RORA: variants seen among roughly 807,000 people sequenced by gnomAD.
RORA encodes nuclear receptor ROR-alpha.
Under a neutral mutation model 69.5 loss-of-function variants are expected in RORA, and 7 were observed. The ratio of observed to expected loss-of-function variants is 0.10; its 90% confidence interval spans 0.06 to 0.19. The LOEUF is 0.19. RORA is among the 10% of genes least tolerant of loss of function. The probability of loss-of-function intolerance (pLI) is 1.00; values close to 1 mark genes in which losing one functional copy is unlikely to be tolerated. For missense variants in RORA, 457 were observed against 663.0 expected, an observed-to-expected ratio of 0.69 and a Z score of 3.41; for synonymous variants, 261 against 240.8, an observed-to-expected ratio of 1.08 and a Z score of -0.78.
chr15:60,771,180 C>T (rs2095423716), intron 1 of RORA, among the ~76,000 whole-genome samples: 1 of 110,340 alleles, frequency 9.1e-6, no homozygotes, highest in Non-Finnish European at 2.1e-5. Context: ...TCTGCTATAT[C>T]CAACTCCCCC....
chr15:60,829,223 A>G (rs2073006051), intron 1 of RORA, among the ~76,000 whole-genome samples: 1 of 152,148 alleles, frequency 6.6e-6, no homozygotes, highest in African/African-American at 2.4e-5. Context: ...GGAAGGCTTC[A>G]TCCCCACTGG....
intron 2 of RORA, chr15:60,558,361 T>C (rs1348997163): frequency 2.6e-6 from 3 of 1,148,722 alleles, no homozygotes; most frequent in Non-Finnish European, 3.9e-6. Flanking sequence ...CATTAATTAG[T>C]TGGCCACTGC....
chr15:60,950,415 C>T lies in RORA; in HGVS notation c.167-271729G>A, dbSNP rs543489859. Among the ~76,000 whole-genome samples the T allele has an allele frequency of 2.1e-3, 196 of 92,582 alleles. 1 individual carries two copies. The highest frequency in any genetic ancestry group is 7.7e-3 in the African/African-American group (192 of 24,892). 60.7% of individuals were successfully genotyped at this position (92,582 alleles called of 152,430 possible). A position where few individuals can be genotyped will look rare whatever the true frequency, so the allele number is the denominator to read the frequency against. ...AAATAACCAGCTAACATCATAATGA[C>T]AGGATCAAATTCACACATAACAATA... On this transcript the variant is annotated intron_variant, in intron 1 of 10. Transcript: ENST00000335670.
At position 60,543,623 on chromosome 15, in the gene RORA, C is replaced by T. The variant is rs961462722; in HGVS notation, c.197-11772G>A. ...CCTCCTGAGTAGCTGGGACTACAGG[C>T]ACACACCACCACACCTGGCTTTTTT... is the stretch of plus-strand genomic sequence containing the variant. On this transcript the variant is annotated intron_variant, in intron 2 of 10. Coordinates refer to ENST00000335670, the MANE Select transcript of RORA (RefSeq NM_134261.3). Among the ~76,000 whole-genome samples the T allele has an allele frequency of 3.3e-5, 5 of 152,214 alleles. No individual in the cohort carries two copies. The East Asian group carries it at 9.7e-4, about 29-fold the overall frequency.
intron 1 of RORA, among the ~76,000 whole-genome samples, chr15:61,138,073 C>T (rs1328296951): frequency 6.6e-6 from 1 of 152,230 alleles, no homozygotes; most frequent in South Asian, 2.1e-4. Flanking sequence ...TACAAAATCA[C>T]CTCTATTTTG....
At chr15:60,796,268 C>T (rs2072494012) in intron 1 of RORA, among the ~76,000 whole-genome samples, 1 of 152,056 alleles carries the variant, frequency 6.6e-6, no homozygotes, top group Admixed American at 6.5e-5. Context: ...CAAGAGCTTC[C>T]CCATGCACAC....
At chr15:60,712,657 G>A (rs973829510) in intron 1 of RORA, among the ~76,000 whole-genome samples, 8 of 152,284 alleles carry the variant, frequency 5.3e-5, no homozygotes, top group South Asian at 2.1e-4. Context: ...ACTTGTTCCC[G>A]AGGCCAGAAG....
chr15:60,910,927 G>T (rs1891692371), intron 1 of RORA, among the ~76,000 whole-genome samples: 1 of 143,338 alleles, frequency 7.0e-6, no homozygotes, highest in Non-Finnish European at 1.5e-5. Flanking sequence ...TTTTGAGATG[G>T]AGTTTTGCTA....
At chr15:60,937,182 A>C (rs1003875048) in intron 1 of RORA, among the ~76,000 whole-genome samples, 1 of 152,192 alleles carries the variant, frequency 6.6e-6, no homozygotes, top group Admixed American at 6.5e-5. Flanking sequence ...AGAACCCAAA[A>C]GTCTGACACC....
At chr15:60,880,208 T>C (rs368803858) in intron 1 of RORA, among the ~76,000 whole-genome samples, 1 of 152,202 alleles carries the variant, frequency 6.6e-6, no homozygotes, top group Non-Finnish European at 1.5e-5. Context: ...TATAAGCCCA[T>C]GTATTTCTAT....
chr15:60,647,902 G>A (rs1009391501), intron 2 of RORA, among the ~76,000 whole-genome samples: 2 of 152,226 alleles, frequency 1.3e-5, no homozygotes, highest in African/African-American at 4.8e-5. Flanking sequence ...AGTTGGGTCA[G>A]CCGCAGGCAT....
At chr15:60,873,710 A>G (rs562845354) in intron 1 of RORA, among the ~76,000 whole-genome samples, 6 of 152,342 alleles carry the variant, frequency 3.9e-5, no homozygotes, top group African/African-American at 1.4e-4. Context: ...AACATAAAGT[A>G]GCTTCCACCG....
At chr15:60,750,933 T>C (rs1595684519) in intron 1 of RORA, among the ~76,000 whole-genome samples, 2 of 152,242 alleles carry the variant, frequency 1.3e-5, no homozygotes, top group African/African-American at 4.8e-5. Context: ...CAACTCCAGG[T>C]TGGATGTCCC....
At chr15:60,629,571 CAAG>C (rs1226191342) in intron 2 of RORA, among the ~76,000 whole-genome samples, 1 of 152,098 alleles carries the variant, frequency 6.6e-6, no homozygotes, top group Non-Finnish European at 1.5e-5. Context: ...GAGACAGTGA[CAAG>C]AAGATATGTG....
intron 1 of RORA, among the ~76,000 whole-genome samples, chr15:61,091,551 C>A (rs920409886): frequency 5.9e-5 from 9 of 152,196 alleles, no homozygotes; most frequent in Non-Finnish European, 1.2e-4. Flanking sequence ...GCAGAAGATG[C>A]CATGAAACCT....
intron 1 of RORA, among the ~76,000 whole-genome samples, chr15:61,178,595 T>G (rs915301529): frequency 6.6e-6 from 1 of 152,082 alleles, no homozygotes; most frequent in African/African-American, 2.4e-5. Flanking sequence ...GAGGAAAAGC[T>G]TTTTGATATT....
chr15:60,966,244 C>T (rs1893551763), intron 1 of RORA, among the ~76,000 whole-genome samples: 1 of 152,162 alleles, frequency 6.6e-6, no homozygotes, highest in African/African-American at 2.4e-5. Context: ...CACTTAATTA[C>T]CTCTTTAAAG....
intron 2 of RORA, among the ~76,000 whole-genome samples, chr15:60,571,410 A>G (rs759957337): frequency 6.6e-6 from 1 of 152,164 alleles, no homozygotes; most frequent in Non-Finnish European, 1.5e-5. Context: ...AACTAGAATT[A>G]GTTTTTTCTC....
At chr15:60,881,231 A>G (rs1205457398) in intron 1 of RORA, among the ~76,000 whole-genome samples, 1 of 152,150 alleles carries the variant, frequency 6.6e-6, no homozygotes, top group Non-Finnish European at 1.5e-5. Context: ...TGGCCTCCTA[A>G]GCTGCATGGC....
Sources: allele counts gnomAD v4.1 joint callset (sites outside exome capture counted in the v4.1 genomes callset), GRCh38; gene constraint gnomAD v4.1.1; transcripts MANE v1.5; gene names NCBI Gene and HGNC (gene_info 2026-07-23, HGNC 2026-07-21).